Variants in STK3 observed in about 807,000 individuals in gnomAD.
STK3 encodes the protein serine/threonine-protein kinase 3.
Under a neutral mutation model 58.0 loss-of-function variants are expected in STK3, and 41 were observed. The ratio of observed to expected loss-of-function variants is 0.71; its 90% CI spans 0.55 to 0.92. The LOEUF is 0.92. Ranked by LOEUF, STK3 falls within the 40% of genes least tolerant of loss-of-function variation. STK3 has a pLI of 0.00. For synonymous variants in STK3, 170 were observed against 191.0 expected (o/e 0.89, Z 0.91); for missense variants, 479 against 602.7 (o/e 0.79, Z 2.15).
At chr8:98,551,498 A>T (rs1416041809) in intron 8 of STK3, among the ~76,000 whole-genome samples, 3 of 152,154 alleles carry the variant, frequency 2.0e-5, no homozygotes, top group African/African-American at 7.2e-5. Flanking sequence ...TGACAAATGG[A>T]GCAAGGGAAA....
chr8:98,881,580 T>A (rs1278212232), downstream of STK3: 5 of 152,178 alleles, frequency 3.3e-5, no homozygotes. Flanking sequence ...TGTAACATAC[T>A]AATGCAAGAT....
At chr8:98,429,621 C>T (rs1818300877) in intron 3 of STK3, 8 of 537,330 alleles carry the variant, frequency 1.5e-5, no homozygotes, top group Non-Finnish European at 2.7e-5. Context: ...TGCACCTTTC[C>T]ATGAAATGAC....
chr8:98,446,041 C>G (rs1216883362), intron 1 of STK3, among the ~76,000 whole-genome samples: 1 of 152,226 alleles, frequency 6.6e-6, no homozygotes, highest in Non-Finnish European at 1.5e-5. Flanking sequence ...ACTACCCTCA[C>G]TGCTTTAATT....
intron 3 of STK3, among the ~76,000 whole-genome samples, chr8:98,419,373 A>T (rs2131052724): frequency 6.6e-6 from 1 of 152,076 alleles, no homozygotes; most frequent in Non-Finnish European, 1.5e-5. Flanking sequence ...AAAAAAAAAG[A>T]GTCTGTGATC....
At chr8:98,558,044 G>C (rs952287435) in intron 8 of STK3, among the ~76,000 whole-genome samples, 1 of 152,016 alleles carries the variant, frequency 6.6e-6, no homozygotes, top group African/African-American at 2.4e-5. Context: ...ATATACAATA[G>C]AGTAAATTAA....
chr8:98,713,355 T>C (rs147321914), intron 4 of STK3, among the ~76,000 whole-genome samples: 16 of 152,148 alleles, frequency 1.1e-4, no homozygotes, highest in African/African-American at 3.9e-4. Context: ...AACTGGTTTT[T>C]TGAAAAGAGC....
chr8:98,782,558 G>A, intron 1 of STK3: 1 of 318,534 alleles, frequency 3.1e-6, no homozygotes, highest in Non-Finnish European at 6.3e-6. Flanking sequence ...CAAGTACCAT[G>A]AAGAGCGCCT....
intron 1 of STK3, among the ~76,000 whole-genome samples, chr8:98,386,823 T>C (rs1350987229): frequency 3.3e-5 from 5 of 151,956 alleles, no homozygotes; most frequent in African/African-American, 9.7e-5. Flanking sequence ...CTACTAAAAA[T>C]ACAAAAATTA....
At chr8:98,442,026 ACTC>A (rs1818715523) in intron 1 of STK3, among the ~76,000 whole-genome samples, 2 of 151,506 alleles carry the variant, frequency 1.3e-5, no homozygotes, top group Admixed American at 1.3e-4. Context: ...CCTAAAACCC[ACTC>A]CTATTCCAAT....
At chr8:98,821,440 T>C (rs1834890497) in intron 1 of STK3, among the ~76,000 whole-genome samples, 1 of 150,930 alleles carries the variant, frequency 6.6e-6, no homozygotes, top group Non-Finnish European at 1.5e-5. Context: ...CAGAGGGAAA[T>C]CCTTTTAATA....
chr8:98,698,118 T>C (rs1391284040), intron 6 of STK3, among the ~76,000 whole-genome samples: 1 of 152,160 alleles, frequency 6.6e-6, no homozygotes, highest in Non-Finnish European at 1.5e-5. Flanking sequence ...CATTATGTAA[T>C]GGCCTTCTTT....
intron 1 of STK3, among the ~76,000 whole-genome samples, chr8:98,444,610 T>C (rs1413461927): frequency 6.6e-6 from 1 of 152,076 alleles, no homozygotes; most frequent in Non-Finnish European, 1.5e-5. Flanking sequence ...ACAATGAAGA[T>C]TTAAGGGGGA....
chr8:98,597,527 A>G (rs1780893589), intron 6 of STK3: 1 of 985,304 alleles, frequency 1.0e-6, no homozygotes, highest in Non-Finnish European at 1.2e-6. Context: ...TGTGTTCAGA[A>G]CAATGCTATA....
chr8:98,886,405 T>C (rs1439628104), intron 1 of STK3, among the ~76,000 whole-genome samples: 4 of 152,198 alleles, frequency 2.6e-5, no homozygotes, highest in African/African-American at 9.6e-5. Flanking sequence ...CTGAAATTTA[T>C]TAAAACAAAT....
chr8:98,624,005 G>C (rs529084896), intron 6 of STK3, among the ~76,000 whole-genome samples: 1 of 152,328 alleles, frequency 6.6e-6, no homozygotes, highest in East Asian at 1.9e-4. Flanking sequence ...GTTAGACGGA[G>C]GGACAGAAAC....
chr8:98,701,391 G>A (rs1825601704), intron 6 of STK3, among the ~76,000 whole-genome samples: 1 of 152,124 alleles, frequency 6.6e-6, no homozygotes, highest in African/African-American at 2.4e-5. Context: ...ACCGAGGCAG[G>A]TGGATCACTT....
chr8:98,425,164 T>A (rs983418462), intron 3 of STK3, among the ~76,000 whole-genome samples: 1 of 152,122 alleles, frequency 6.6e-6, no homozygotes, highest in Non-Finnish European at 1.5e-5. Context: ...ATGAAGGAGA[T>A]CCAGGGGCTC....
At chr8:98,668,896 A>C (rs1486472493) in intron 6 of STK3, among the ~76,000 whole-genome samples, 1 of 152,050 alleles carries the variant, frequency 6.6e-6, no homozygotes, top group East Asian at 1.9e-4. Flanking sequence ...ATATGAAATA[A>C]GTGTTTTCTG....
intron 4 of STK3, among the ~76,000 whole-genome samples, chr8:98,735,969 T>C (rs1828554052): frequency 6.6e-6 from 1 of 152,124 alleles, no homozygotes; most frequent in African/African-American, 2.4e-5. Flanking sequence ...AGTACTCATA[T>C]AACTATTAGC....
Sources: gnomAD v4.1 joint callset for allele counts (sites outside exome capture counted in the v4.1 genomes callset) on GRCh38, gnomAD v4.1.1 for gene constraint, MANE v1.5 for transcripts, NCBI Gene and HGNC (gene_info 2026-07-23, HGNC 2026-07-21) for gene names.